CHSY3: variants seen among roughly 807,000 people sequenced by gnomAD.
The protein encoded by CHSY3 is N-acetylgalactosaminyl-proteoglycan 3-beta-glucuronosyltransferase 3.
CHSY3 carries 35 observed loss-of-function variants against 67.2 expected under a neutral mutation model. That is an observed-to-expected ratio of 0.52 (90% CI 0.40 to 0.69). The LOEUF (loss-of-function observed/expected upper bound fraction) is 0.69. Among genes scored for constraint, CHSY3 ranks in the 30% least tolerant of loss-of-function variants. CHSY3 has a pLI of 0.00. For missense variants in CHSY3, 1,069 were observed against 1,138.5 expected (o/e 0.94, Z 0.88); for synonymous variants, 474 against 434.7 (o/e 1.09, Z -1.12).
At chr5:130,129,360 C>G (rs530061742) in intron 2 of CHSY3, among the ~76,000 whole-genome samples, 2 of 152,164 alleles carry the variant, frequency 1.3e-5, no homozygotes, top group Non-Finnish European at 1.5e-5. Flanking sequence ...AATCTCTACT[C>G]ATGATATGCC....
chr5:129,952,037 C>A (rs1207850085), intron 2 of CHSY3, among the ~76,000 whole-genome samples: 1 of 152,170 alleles, frequency 6.6e-6, no homozygotes, highest in Non-Finnish European at 1.5e-5. Context: ...TTTTAACTTA[C>A]TACCACATTG....
At chr5:130,019,749 G>A (rs569108738) in intron 2 of CHSY3, among the ~76,000 whole-genome samples, 6 of 152,236 alleles carry the variant, frequency 3.9e-5, no homozygotes, top group African/African-American at 9.6e-5. Context: ...ATTCAGTGTA[G>A]CTGCATCAGT....
At chr5:130,029,295 T>C (rs1764642978) in intron 2 of CHSY3, among the ~76,000 whole-genome samples, 1 of 152,142 alleles carries the variant, frequency 6.6e-6, no homozygotes, top group African/African-American at 2.4e-5. Context: ...ATGCTACACA[T>C]TTTAATAATC....
intron 2 of CHSY3, among the ~76,000 whole-genome samples, chr5:130,081,166 G>C (rs922037495): frequency 3.9e-5 from 6 of 152,116 alleles, no homozygotes; most frequent in African/African-American, 1.4e-4. Flanking sequence ...TGTGATATGA[G>C]TTCAGTTAAT....
intron 2 of CHSY3, among the ~76,000 whole-genome samples, chr5:130,070,244 T>C (rs1766013814): frequency 2.0e-5 from 3 of 152,152 alleles, no homozygotes; most frequent in African/African-American, 4.8e-5. Flanking sequence ...GTTTGTATTA[T>C]TTCATTTGGA....
At chr5:129,955,180 T>A (rs1408596986) in intron 2 of CHSY3, among the ~76,000 whole-genome samples, 2 of 152,140 alleles carry the variant, frequency 1.3e-5, no homozygotes, top group East Asian at 1.9e-4. Flanking sequence ...TTTTTTTAAA[T>A]GACTCTTTTG....
intron 2 of CHSY3, among the ~76,000 whole-genome samples, chr5:130,103,865 A>G (rs1450485708): frequency 6.6e-6 from 1 of 151,968 alleles, no homozygotes; most frequent in African/African-American, 2.4e-5. Flanking sequence ...ATGCCTTGAT[A>G]CACATTTCTT....
chr5:130,169,689 G>GAA lies in CHSY3; in HGVS notation c.1087-14529_1087-14528dup, dbSNP rs34736549. 5.0e-3 allele frequency among the ~76,000 whole-genome samples: 739 copies of GAA among 147,494 alleles called. 2 individuals carry two copies. The highest frequency in any genetic ancestry group is 9.8e-3 in the African/African-American group (398 of 40,518). On this transcript the variant is annotated intron_variant, in intron 2 of 2. Transcript: ENST00000305031. ...TGGTTGCTTGAATTTTGGGAGCACA[G>GAA]AAAAAAAAAAAACAGTAATTACAAC... is the stretch of plus-strand genomic sequence containing the variant.
chr5:129,956,469 TG>T (rs1762177280), intron 2 of CHSY3, among the ~76,000 whole-genome samples: 1 of 152,186 alleles, frequency 6.6e-6, no homozygotes, highest in Non-Finnish European at 1.5e-5. Flanking sequence ...TTTTGTCAAA[TG>T]CGGTTTGCAA....
At chr5:130,040,414 C>T (rs1363492139) in intron 2 of CHSY3, among the ~76,000 whole-genome samples, 3 of 152,036 alleles carry the variant, frequency 2.0e-5, no homozygotes, top group Admixed American at 1.3e-4. Flanking sequence ...AAAGTTTGCT[C>T]CCCGAAATTG....
intron 2 of CHSY3, among the ~76,000 whole-genome samples, chr5:130,026,387 G>A (rs1477988949): frequency 1.3e-5 from 2 of 152,084 alleles, no homozygotes; most frequent in African/African-American, 4.8e-5. Context: ...CTATAGTAAA[G>A]GAAGATAATA....
At chr5:130,037,789 G>A (rs991802011) in intron 2 of CHSY3, among the ~76,000 whole-genome samples, 2 of 152,052 alleles carry the variant, frequency 1.3e-5, no homozygotes, top group Admixed American at 1.3e-4. Context: ...ATATCCTAGA[G>A]CTCAACCACT....
rs370069140 is a variant in CHSY3, at chr5:130,034,552, G to C, written c.1086+126192G>C. 2.6e-5 allele frequency among the ~76,000 whole-genome samples: 4 copies of C among 152,068 alleles called. No homozygotes were observed. The East Asian group carries it at 5.8e-4, about 22-fold the overall frequency. On this transcript the variant is annotated intron_variant, in intron 2 of 2. Transcript: ENST00000305031. ...AACAGATATTTATGGTACAGGCCCA[G>C]CTCTAAGGGCTGTAGATAAAATGGT...
intron 2 of CHSY3, among the ~76,000 whole-genome samples, chr5:130,064,420 A>G (rs190307693): frequency 9.9e-5 from 15 of 152,236 alleles, no homozygotes; most frequent in Admixed American, 6.5e-4. Context: ...AGTTCTATGT[A>G]TTGCTTTAAT....
chr5:130,124,575 C>T (rs184208070), intron 2 of CHSY3, among the ~76,000 whole-genome samples: 15 of 152,188 alleles, frequency 9.9e-5, no homozygotes, highest in Non-Finnish European at 1.6e-4. Flanking sequence ...CCTGCTTCAG[C>T]ATCCCGAGTA....
At position 130,053,760 on chromosome 5, in the gene CHSY3, G is replaced by C. The variant is rs144531173; in HGVS notation, c.1087-130469G>C. 2.6e-5 allele frequency among the ~76,000 whole-genome samples: 4 copies of C among 152,122 alleles called. No individual in the cohort carries two copies. The East Asian group carries it at 7.7e-4, about 29-fold the overall frequency. On this transcript the variant is annotated intron_variant, in intron 2 of 2. Transcript: ENST00000305031. Reference sequence around the variant, plus strand: ...ATTGCATTAGGAGCCTGAGTGATTGGGAAAATATCAACATTAATGATAGAA... The same window carrying C: ...ATTGCATTAGGAGCCTGAGTGATTGCGAAAATATCAACATTAATGATAGAA...
chr5:130,013,887 G>A (rs555703293), intron 2 of CHSY3, among the ~76,000 whole-genome samples: 22 of 152,126 alleles, frequency 1.4e-4, no homozygotes, highest in African/African-American at 4.8e-4. Flanking sequence ...CTTTTTTATC[G>A]CATCATCAGG....
chr5:129,966,839 G>A (rs1762481223), intron 2 of CHSY3, among the ~76,000 whole-genome samples: 1 of 151,682 alleles, frequency 6.6e-6, no homozygotes, highest in South Asian at 2.1e-4. Flanking sequence ...CAATAAGAAG[G>A]GAACCAATGC....
rs918756808 is a variant in CHSY3 at position 130,048,100 on chromosome 5, C to T, written c.1087-136129C>T. ...ATGAACAAATTAGTAGAACGAAGTACGGATTTAGTGTGTATATGTATGTGT... is the reference window on the plus strand; with the variant it reads ...ATGAACAAATTAGTAGAACGAAGTATGGATTTAGTGTGTATATGTATGTGT... On this transcript the variant is annotated intron_variant, in intron 2 of 2. Transcript: ENST00000305031. Among the ~76,000 whole-genome samples the T allele has an allele frequency of 6.1e-5, 9 of 147,208 alleles. 1 individual carries two copies. The highest frequency in any genetic ancestry group is 2.1e-4 in the South Asian group (1 of 4,822).
Sources: allele counts gnomAD v4.1 joint callset (sites outside exome capture counted in the v4.1 genomes callset), GRCh38; gene constraint gnomAD v4.1.1; transcripts MANE v1.5; gene names NCBI Gene and HGNC (gene_info 2026-07-23, HGNC 2026-07-21).